Variants in JKAMP observed in about 807,000 individuals in gnomAD.
The protein encoded by JKAMP is JNK1/MAPK8-associated membrane protein.
Under a neutral mutation model 40.2 loss-of-function variants are expected in JKAMP, and 20 were observed. The observed-to-expected ratio is 0.50, with a 90% CI of 0.35 to 0.72. The LOEUF (loss-of-function observed/expected upper bound fraction) is 0.72, where lower values mean the gene tolerates loss of function less well. Ranked by LOEUF, JKAMP falls within the 30% of genes least tolerant of loss-of-function variation. The pLI is 0.01. For synonymous variants in JKAMP, 138 were observed against 131.6 expected, an observed-to-expected ratio of 1.05 and a Z score of -0.33; for missense variants, 276 against 373.0, an observed-to-expected ratio of 0.74 and a Z score of 2.14.
chr14:59,497,957 G>A (rs1305525319), intron 4 of JKAMP, among the ~76,000 whole-genome samples: 1 of 152,146 alleles, frequency 6.6e-6, no homozygotes, highest in Non-Finnish European at 1.5e-5. Flanking sequence ...GAAAATTAAG[G>A]TAGAACTATG....
At chr14:59,496,097 G>A (rs987119390) in intron 4 of JKAMP, among the ~76,000 whole-genome samples, 25 of 152,186 alleles carry the variant, frequency 1.6e-4, no homozygotes, top group East Asian at 9.7e-4. Flanking sequence ...AGAGAGACGG[G>A]GTTTTGCCAT....
intron 4 of JKAMP, 74 bp from the exon 5 acceptor site, chr14:59,498,653 A>G (rs917838786): frequency 1.0e-4 from 85 of 847,410 alleles, no homozygotes; most frequent in Non-Finnish European, 1.4e-4. Flanking sequence ...AGGCTCTTTC[A>G]TTTAAAAATG....
chr14:59,485,440 G>A (rs535755058), intron 1 of JKAMP: 40 of 238,978 alleles, frequency 1.7e-4, no homozygotes, highest in African/African-American at 8.6e-4. Flanking sequence ...ATTATTCAAT[G>A]CTGTTTCTCT....
chr14:59,487,673 G>A lies in JKAMP; in HGVS notation c.97-1G>A, dbSNP rs988706582. ...CAAAATATTGGTTTTATATATTATA[G>A]GTATGCCCAAGAGGACAGAGAACGA... is the stretch of plus-strand genomic sequence containing the variant. On this transcript the variant is annotated splice_acceptor_variant, in intron 2 of 6. Transcript: ENST00000616435. LOFTEE classifies it high-confidence loss of function. 6.2e-7 allele frequency: 1 copy of A among 1,610,320 alleles called. No individual in the cohort carries two copies. Among genetic ancestry groups the A allele is most frequent in the Non-Finnish European group, 8.5e-7 (1 of 1,176,750 alleles).
chr14:59,505,250 A>ATGTATTT lies in JKAMP; in HGVS notation c.*1180_*1186dup. Reference sequence around the variant, plus strand: ...GTTGTATCCTTGAGTTACTTTGTTAATGTATTTTTCTCAGTACATTTAACC... The same window carrying ATGTATTT: ...GTTGTATCCTTGAGTTACTTTGTTAATGTATTTTGTATTTTTCTCAGTACATTTAACC... On this transcript the variant is annotated 3_prime_UTR_variant, in exon 7 of 7. Coordinates refer to ENST00000616435, the MANE Select transcript of JKAMP (RefSeq NM_016475.5). 6.7e-7 allele frequency: 1 copy of ATGTATTT among 1,490,310 alleles called. No homozygotes were observed. The highest frequency in any genetic ancestry group is 9.0e-7 in the Non-Finnish European group (1 of 1,112,690). The allele number at this position is 1,490,310 out of a possible 1,614,324, so 92.3% of individuals were successfully genotyped here.
At position 59,505,289 on chromosome 14, in the gene JKAMP, C is replaced by T. The variant is rs1158912002; in HGVS notation, c.*1217C>T. On this transcript the variant is annotated 3_prime_UTR_variant, in exon 7 of 7. Coordinates refer to ENST00000616435, the MANE Select transcript of JKAMP (RefSeq NM_016475.5). The stretch of plus-strand genomic sequence containing the variant: ...GTACATTTAACCACTGGGAAATGAA[C>T]CCTTGTACGAATGTGTTTCTTCTTC... 1 of 1,505,632 alleles carries T rather than the reference C, an allele frequency of 6.6e-7. No individual in the cohort carries two copies. The highest frequency in any genetic ancestry group is 8.9e-7 in the Non-Finnish European group (1 of 1,125,944). 93.3% of individuals were successfully genotyped at this position (1,505,632 alleles called of 1,614,324 possible). A position where few individuals can be genotyped will look rare whatever the true frequency, so the allele number is the denominator to read the frequency against.
At chr14:59,492,104 CTT>C in intron 3 of JKAMP, among the ~76,000 whole-genome samples, 1 of 152,214 alleles carries the variant, frequency 6.6e-6, no homozygotes. Context: ...AGATAATGGA[CTT>C]TCACCTACAG....
chr14:59,500,879 T>C, intron 5 of JKAMP: 1 of 208,690 alleles, frequency 4.8e-6, no homozygotes, highest in African/African-American at 2.3e-5. Context: ...GAAACGTATG[T>C]TTTATTGTCC....
Position 59,487,852 on chromosome 14 carries a change from T to C in JKAMP, c.251+24T>C, listed in dbSNP as rs79097276. ...AGGTTAGCACATTTCTATGAACATA[T>C]CTGGCTGGACTAATGTTGGAATAAT... On this transcript the variant is annotated intron_variant, in intron 3 of 6. Coordinates refer to ENST00000616435, the MANE Select transcript of JKAMP (RefSeq NM_016475.5). The C allele has an allele frequency of 4.0e-4, 636 of 1,604,542 alleles. 3 individuals are homozygous for C. In the African/African-American group the frequency reaches 7.9e-3, roughly 20 times the overall value.
chr14:59,494,525 A>G (rs1026074237), intron 3 of JKAMP, among the ~76,000 whole-genome samples: 3 of 152,340 alleles, frequency 2.0e-5, no homozygotes, highest in Non-Finnish European at 2.9e-5. Context: ...GCAGAAATAC[A>G]GTTGGGATAA....
chr14:59,498,917 G>C lies in JKAMP; in HGVS notation c.640+9G>C. 1.3e-6 allele frequency: 2 copies of C among 1,539,934 alleles called. No homozygotes were observed. The highest frequency in any genetic ancestry group is 1.8e-6 in the Non-Finnish European group (2 of 1,127,452). ...TGGTGGAGGCCTTTTATGTAAGTTT[G>C]ATGGGTAAAGTCAATGAAATATATT... On this transcript the variant is annotated intron_variant, in intron 5 of 6. Transcript: ENST00000616435.
chr14:59,497,901 G>C (rs751269108), intron 4 of JKAMP, among the ~76,000 whole-genome samples: 5 of 152,194 alleles, frequency 3.3e-5, no homozygotes, highest in Non-Finnish European at 7.3e-5. Context: ...TGTATAGGGA[G>C]AGGGTTTGAG....
At position 59,495,239 on chromosome 14, in the gene JKAMP, C is replaced by T. The variant is rs149549803; in HGVS notation, c.458+15C>T. ...GTCTACCCACTGTAAGTGTTTATTTCGACTTAAGATCATTGTTTTTTTTTA... is the reference window on the plus strand; with the variant it reads ...GTCTACCCACTGTAAGTGTTTATTTTGACTTAAGATCATTGTTTTTTTTTA... On this transcript the variant is annotated intron_variant, in intron 4 of 6. Coordinates refer to ENST00000616435, the MANE Select transcript of JKAMP (RefSeq NM_016475.5). The T allele has an allele frequency of 1.9e-3, 2,955 of 1,532,406 alleles. 39 individuals carry two copies. In the African/African-American group the frequency reaches 0.034, roughly 18 times the overall value. The allele number at this position is 1,532,406 out of a possible 1,614,324, so 94.9% of individuals were successfully genotyped here.
Position 59,501,194 on chromosome 14 carries a change from A to G in JKAMP, c.644A>G (p.Tyr215Cys), listed in dbSNP as rs778898350. ...LQAVGGGLLY[Y>C]AFPYIILVLS... Reference sequence around the variant, plus strand: ...AATACCAATGCTTATCTTTCAGATTACGCCTTCCCATACATTATATTAGTG... The same window carrying G: ...AATACCAATGCTTATCTTTCAGATTGCGCCTTCCCATACATTATATTAGTG... Residue 215 changes from tyrosine (Y) to cysteine (C), a missense_variant, in exon 6 of 7, where the codon TAC becomes TGC. Tyr to Cys is a radical substitution (Grantham distance 194, BLOSUM62 -2). Coordinates refer to ENST00000616435, the MANE Select transcript of JKAMP (RefSeq NM_016475.5). 6.3e-7 allele frequency: 1 copy of G among 1,579,144 alleles called. No homozygotes were observed. Among genetic ancestry groups the G allele is most frequent in the South Asian group, 1.1e-5 (1 of 89,198 alleles).
At chr14:59,488,567 A>C (rs953644421) in intron 3 of JKAMP, among the ~76,000 whole-genome samples, 1 of 152,230 alleles carries the variant, frequency 6.6e-6, no homozygotes, top group Non-Finnish European at 1.5e-5. Context: ...GGGGTAGTCA[A>C]GAGTGGGTTG....
chr14:59,503,742 A>T (rs201963604), intron 6 of JKAMP, 112 bp from the exon 7 acceptor site: 1 of 162,770 alleles, frequency 6.1e-6, no homozygotes, highest in Non-Finnish European at 1.2e-5. Flanking sequence ...CAAACATTTT[A>T]TGATTCTGAG....
intron 3 of JKAMP, among the ~76,000 whole-genome samples, chr14:59,492,510 T>C (rs1891097977): frequency 6.6e-6 from 1 of 152,196 alleles, no homozygotes; most frequent in South Asian, 2.1e-4. Context: ...TAAGAGTCAC[T>C]GAACTCAAGA....
intron 3 of JKAMP, among the ~76,000 whole-genome samples, chr14:59,490,478 T>C (rs565111324): frequency 6.6e-6 from 1 of 152,346 alleles, no homozygotes; most frequent in South Asian, 2.1e-4. Context: ...TCATTTGATG[T>C]ATATTTTAGG....
chr14:59,494,078 A>G (rs900359763), intron 3 of JKAMP, among the ~76,000 whole-genome samples: 4 of 151,818 alleles, frequency 2.6e-5, no homozygotes, highest in African/African-American at 9.7e-5. Context: ...AATTAAAGAT[A>G]AATGTGAAAA....
Sources: gnomAD v4.1 joint callset for allele counts (sites outside exome capture counted in the v4.1 genomes callset) on GRCh38, gnomAD v4.1.1 for gene constraint, MANE v1.5 for transcripts, NCBI Gene and HGNC (gene_info 2026-07-23, HGNC 2026-07-21) for gene names.